Variants in RERGL observed in about 807,000 individuals in gnomAD.
The protein encoded by RERGL is RERG like.
In RERGL, 22 loss-of-function variants were observed where a neutral mutation model predicts 24.7. The ratio of observed to expected loss-of-function variants is 0.89; its 90% CI spans 0.64 to 1.27. RERGL has a LOEUF of 1.27. Among genes scored for constraint, RERGL ranks in the 50% most tolerant of loss-of-function variants. RERGL has a pLI of 0.00. For synonymous variants in RERGL, 76 were observed against 82.6 expected (o/e 0.92, Z 0.43); for missense variants, 259 against 235.3 (o/e 1.10, Z -0.66).
In RERGL at chr12:18,081,379, C is replaced by T; in HGVS notation, c.427G>A (p.Glu143Lys). The change falls in exon 5 of 5, where the codon GAA becomes AAA. Residue 143 changes from glutamate to lysine, a missense_variant. Transcript: ENST00000538724. ...AGTTCACAGAATTGGCATCGGTTTTCCAGTGCCAGCTTTTGCCCTTCTTCC... is the reference window on the plus strand; with the variant it reads ...AGTTCACAGAATTGGCATCGGTTTTTCAGTGCCAGCTTTTGCCCTTCTTCC... ...GWEEGQKLAL[E>K]NRCQFCELSA... The T allele has an allele frequency of 6.2e-7, 1 of 1,614,118 alleles. No homozygotes were observed. Among genetic ancestry groups the T allele is most frequent in the South Asian group, 1.1e-5 (1 of 91,076 alleles).
At chr12:18,089,461 A>G (rs1947250119) in intron 1 of RERGL, 8 of 999,144 alleles carry the variant, frequency 8.0e-6, no homozygotes, top group Non-Finnish European at 1.1e-5. Flanking sequence ...TGGCCAGTTA[A>G]GATGCTATGA....
At chr12:18,089,093 T>C in intron 1 of RERGL, 137 bp from the exon 2 acceptor site, 1 of 1,118,302 alleles carries the variant, frequency 8.9e-7, no homozygotes, top group Non-Finnish European at 1.3e-6. Context: ...CCAAATTCTG[T>C]TCTAAATAGT....
chr12:18,089,213 A>C, intron 1 of RERGL: 1 of 1,600,862 alleles, frequency 6.2e-7, no homozygotes, highest in Non-Finnish European at 8.5e-7. Context: ...TACCACAAAA[A>C]CATAAGGCCA....
chr12:18,090,037 G>C lies in RERGL; in HGVS notation c.52+52C>G, dbSNP rs540128514. 542 of 1,353,976 alleles carry C rather than the reference G, an allele frequency of 4.0e-4. 1 individual carries two copies. Among genetic ancestry groups the C allele is most frequent in the Middle Eastern group, 1.8e-3 (10 of 5,496 alleles). The allele number at this position is 1,353,976 out of a possible 1,614,324, so 83.9% of individuals were successfully genotyped here. On this transcript the variant is annotated intron_variant, in intron 1 of 4. Transcript: ENST00000538724. ...CGTGGTTAATGGTTAACATGTCAAT[G>C]TTTCTCACTCTTTCTACACTCTATG...
intron 2 of RERGL, among the ~76,000 whole-genome samples, 183 bp downstream of exon 2, chr12:18,088,717 A>T (rs1657043019): frequency 6.6e-6 from 1 of 152,144 alleles, no homozygotes; most frequent in African/African-American, 2.4e-5. Flanking sequence ...GGTGAATTTT[A>T]CCATAAAAGA....
intron 1 of RERGL, chr12:18,089,210 A>G: frequency 1.9e-6 from 3 of 1,600,276 alleles, no homozygotes; most frequent in Non-Finnish European, 2.6e-6. Flanking sequence ...CATTACCACA[A>G]AAACATAAGG....
intron 4 of RERGL, 54 bp from the exon 5 acceptor site, chr12:18,081,527 TAA>T (rs3054570): frequency 0.18 from 191,550 of 1,088,874 alleles, 7,949 homozygotes; most frequent in African/African-American, 0.2. Context: ...CTCTTTTTTT[TAA>T]AAAAAAAAAA....
chr12:18,084,562 G>A lies in RERGL; in HGVS notation c.287C>T (p.Ala96Val), dbSNP rs1038587193. 17 of 1,611,578 alleles carry A rather than the reference G, an allele frequency of 1.1e-5. No individual in the cohort carries two copies. Among genetic ancestry groups the A allele is most frequent in the Middle Eastern group, 1.6e-4 (1 of 6,072 alleles). Residue 96 changes from alanine to valine, a missense_variant, in exon 4 of 5, where the codon GCG becomes GTG. Ala to Val is a moderately conservative substitution (Grantham distance 64). Transcript: ENST00000538724. ...TGGCTCCCGGATTCTGTAGATCAGC[G>A]CTTTTGCAAAAGCAAATGAAGACCT... is the stretch of plus-strand genomic sequence containing the variant. The part of the protein sequence containing the change: ...SDRSSFAFAK[A>V]LIYRIREPQT...
At chr12:18,089,607 A>G (rs541292633) in intron 1 of RERGL, among the ~76,000 whole-genome samples, 61 of 152,242 alleles carry the variant, frequency 4.0e-4, no homozygotes, top group African/African-American at 1.4e-3. Context: ...AACATCCACC[A>G]AGCCATGCGC....
chr12:18,084,140 G>A (rs1398334899), intron 4 of RERGL, among the ~76,000 whole-genome samples: 1 of 152,122 alleles, frequency 6.6e-6, no homozygotes, highest in African/African-American at 2.4e-5. Context: ...GATTTCATGT[G>A]GTGCCAAACG....
chr12:18,081,977 A>G (rs1947177866), intron 4 of RERGL, among the ~76,000 whole-genome samples: 1 of 152,066 alleles, frequency 6.6e-6, no homozygotes, highest in Non-Finnish European at 1.5e-5. Flanking sequence ...CATCTCTACT[A>G]AAAGTACAAA....
chr12:18,084,138 G>A (rs902195433), intron 4 of RERGL, among the ~76,000 whole-genome samples: 37 of 152,164 alleles, frequency 2.4e-4, no homozygotes, highest in African/African-American at 8.9e-4. Flanking sequence ...TGGATTTCAT[G>A]TGGTGCCAAA....
chr12:18,082,907 A>G (rs1947186895), intron 4 of RERGL, among the ~76,000 whole-genome samples: 1 of 152,158 alleles, frequency 6.6e-6, no homozygotes, highest in African/African-American at 2.4e-5. Flanking sequence ...ATAAAGAAAC[A>G]ATATAAAAAT....
chr12:18,089,034 GTT>G, intron 1 of RERGL, 78 bp from the exon 2 acceptor site: 1 of 1,250,960 alleles, frequency 8.0e-7, no homozygotes, highest in Non-Finnish European at 1.1e-6. Context: ...TAAGGCTTTA[GTT>G]CTTAAACCAA....
Position 18,089,095 on chromosome 12 carries a change from C to G in RERGL, c.53-139G>C. ...CTTTAAAATTAGACCAAATTCTGTT[C>G]TAAATAGTAGTTAACAATATTTCCA... On this transcript the variant is annotated intron_variant, in intron 1 of 4. Transcript: ENST00000538724. 5 of 1,126,630 alleles carry G rather than the reference C, an allele frequency of 4.4e-6. No individual in the cohort carries two copies. In the South Asian group the frequency reaches 7.3e-5, roughly 16 times the overall value. The allele number at this position is 1,126,630 out of a possible 1,614,324, so 69.8% of individuals were successfully genotyped here.
intron 4 of RERGL, among the ~76,000 whole-genome samples, 195 bp from the exon 5 acceptor site, chr12:18,081,668 A>G (rs923629987): frequency 1.3e-5 from 2 of 152,196 alleles, no homozygotes; most frequent in Non-Finnish European, 2.9e-5. Context: ...GATAAAATGT[A>G]GTAAATGGCA....
intron 4 of RERGL, among the ~76,000 whole-genome samples, chr12:18,083,189 C>A (rs1426208721): frequency 6.6e-6 from 1 of 151,956 alleles, no homozygotes; most frequent in Non-Finnish European, 1.5e-5. Flanking sequence ...GGGTGGGACA[C>A]AAATATCAGA....
At chr12:18,089,459 T>A in intron 1 of RERGL, 1 of 1,012,276 alleles carries the variant, frequency 9.9e-7, no homozygotes, top group Non-Finnish European at 1.3e-6. Context: ...TTTGGCCAGT[T>A]AAGATGCTAT....
At position 18,088,374 on chromosome 12, in the gene RERGL, T is replaced by A. The variant is rs142307779; in HGVS notation, c.109+526A>T. ...TATAGAAGAGTTCGAGAAATAATCT[T>A]AAAATTATATCAAAATGCCCCAGCA... On this transcript the variant is annotated intron_variant, in intron 2 of 4. Coordinates refer to ENST00000538724, the MANE Select transcript of RERGL (RefSeq NM_001286201.2). Among the ~76,000 whole-genome samples the A allele has an allele frequency of 2.6e-4, 39 of 152,180 alleles. 1 individual carries two copies. The East Asian group carries it at 7.1e-3, about 28-fold the overall frequency.
Sources: allele counts gnomAD v4.1 joint callset (sites outside exome capture counted in the v4.1 genomes callset), GRCh38; gene constraint gnomAD v4.1.1; transcripts MANE v1.5; gene names NCBI Gene and HGNC (gene_info 2026-07-23, HGNC 2026-07-21).